The following ACSBG1 variants were observed in gnomAD, a reference collection of about 807,000 sequenced individuals.
ACSBG1 encodes acyl-CoA synthetase bubblegum family member 1, also known as long-chain-fatty-acid--CoA ligase ACSBG1.
A neutral mutation model predicts 80.2 loss-of-function variants in ACSBG1; 39 were observed. The observed-to-expected ratio is 0.49, with a 90% CI of 0.38 to 0.64. The LOEUF is 0.64. ACSBG1 is among the 30% of genes least tolerant of loss of function. ACSBG1 has a pLI of 0.00. For synonymous variants in ACSBG1, 392 were observed against 379.5 expected (o/e 1.03, Z -0.38); for missense variants, 828 against 966.4 (o/e 0.86, Z 1.90).
chr15:78,196,852 G>T (rs1179463072), intron 2 of ACSBG1, among the ~76,000 whole-genome samples: 2 of 151,886 alleles, frequency 1.3e-5, no homozygotes, highest in Non-Finnish European at 2.9e-5. Context: ...TATCACTTGA[G>T]CCCAGGAGTT....
intron 5 of ACSBG1, among the ~76,000 whole-genome samples, chr15:78,185,053 GA>G (rs879491506): frequency 0.19 from 1,564 of 8,054 alleles, 18 homozygotes; most frequent in Non-Finnish European, 0.22. Context: ...GGAGGGGAGG[GA>G]GAGAGAGAGA....
intron 5 of ACSBG1, among the ~76,000 whole-genome samples, chr15:78,185,776 T>C (rs1489981273): frequency 1.3e-5 from 2 of 151,102 alleles, no homozygotes; most frequent in African/African-American, 4.9e-5. Flanking sequence ...CAAAACACTA[T>C]GTGGAGAGGA....
intron 1 of ACSBG1, among the ~76,000 whole-genome samples, chr15:78,226,231 TA>T (rs1269245054): frequency 6.6e-6 from 1 of 151,538 alleles, no homozygotes; most frequent in Non-Finnish European, 1.5e-5. Flanking sequence ...TATATAGAAA[TA>T]AAAAAAAGAA....
intron 1 of ACSBG1, among the ~76,000 whole-genome samples, chr15:78,224,124 C>T (rs1322801456): frequency 6.6e-6 from 1 of 152,144 alleles, no homozygotes; most frequent in East Asian, 1.9e-4. Flanking sequence ...GTAATTGTTA[C>T]AGTGCAATGG....
chr15:78,211,134 T>G (rs1273082550), intron 1 of ACSBG1, among the ~76,000 whole-genome samples: 1 of 152,224 alleles, frequency 6.6e-6, no homozygotes, highest in African/African-American at 2.4e-5. Flanking sequence ...AGCTAAGGTT[T>G]GGGAAGCTGC....
chr15:78,233,083 C>T (rs1052985116), intron 1 of ACSBG1, among the ~76,000 whole-genome samples: 9 of 152,216 alleles, frequency 5.9e-5, no homozygotes, highest in African/African-American at 2.2e-4. Context: ...GACACCGGGG[C>T]CCAGAGGAGA....
At chr15:78,176,073 ATT>A (rs34270009) in intron 11 of ACSBG1, among the ~76,000 whole-genome samples, 2 of 151,664 alleles carry the variant, frequency 1.3e-5, no homozygotes, top group Non-Finnish European at 2.9e-5. Flanking sequence ...AGATTTAATA[ATT>A]TTTTTTTAAA....
chr15:78,223,637 G>A (rs957778412), intron 1 of ACSBG1, among the ~76,000 whole-genome samples: 1 of 152,220 alleles, frequency 6.6e-6, no homozygotes, highest in African/African-American at 2.4e-5. Context: ...CTGGCCAACA[G>A]CCAGTGTGGT....
chr15:78,184,248 A>G (rs77281531), intron 5 of ACSBG1, among the ~76,000 whole-genome samples: 2,662 of 152,204 alleles, frequency 0.017, 84 homozygotes, highest in African/African-American at 0.062. Context: ...ATCATGGCCC[A>G]CTGCAGCCTC....
chr15:78,231,525 ATCCACCCATTTTG>A (rs2075447326), intron 1 of ACSBG1, among the ~76,000 whole-genome samples: 2 of 152,216 alleles, frequency 1.3e-5, no homozygotes, highest in African/African-American at 2.4e-5. Flanking sequence ...GGCTTAAACA[ATCCACCCATTTTG>A]TCCTACCAAA....
At chr15:78,179,518 G>T (rs769093760) in intron 10 of ACSBG1, 32 bp downstream of exon 10, 3 of 1,583,848 alleles carry the variant, frequency 1.9e-6, no homozygotes, top group Middle Eastern at 1.7e-4. Context: ...GGGCGCATGG[G>T]TGTGCATGTG....
intron 3 of ACSBG1, among the ~76,000 whole-genome samples, 194 bp downstream of exon 3, chr15:78,194,312 G>T (rs539600423): frequency 6.6e-6 from 1 of 152,254 alleles, no homozygotes; most frequent in East Asian, 1.9e-4. Flanking sequence ...CTTGGCACAT[G>T]GTAGGGGCTC....
intron 1 of ACSBG1, among the ~76,000 whole-genome samples, chr15:78,232,792 C>T (rs1396417928): frequency 1.3e-5 from 2 of 151,920 alleles, no homozygotes; most frequent in Non-Finnish European, 2.9e-5. Context: ...TCAAGCAATT[C>T]TCCTGCCTCA....
chr15:78,176,081 TTAAA>T (rs2074880274), intron 11 of ACSBG1, among the ~76,000 whole-genome samples: 1 of 152,154 alleles, frequency 6.6e-6, no homozygotes, highest in Non-Finnish European at 1.5e-5. Flanking sequence ...TAATTTTTTT[TTAAA>T]TAAATAGAGA....
intron 13 of ACSBG1, 114 bp from the exon 14 acceptor site, chr15:78,171,643 A>C: frequency 1.2e-6 from 1 of 835,620 alleles, no homozygotes; most frequent in Non-Finnish European, 1.9e-6. Flanking sequence ...AAGCCAGATA[A>C]TCAGGACCGT....
At position 78,174,548 on chromosome 15, in the gene ACSBG1, C is replaced by A; in HGVS notation, c.1703-24G>T. 4 of 1,607,530 alleles carry A rather than the reference C, an allele frequency of 2.5e-6. No homozygotes were observed. The South Asian group carries it at 3.3e-5, about 13-fold the overall frequency. On this transcript the variant is annotated intron_variant, in intron 11 of 13. Coordinates refer to ENST00000258873, the MANE Select transcript of ACSBG1 (RefSeq NM_015162.5). The stretch of plus-strand genomic sequence containing the variant: ...TTCTGGGGAGGCAAGGCCAGGCCCC[C>A]GGCACAGAATGTAGTCCAGGTGCCC...
At chr15:78,205,767 C>T (rs2075208495) in intron 2 of ACSBG1, among the ~76,000 whole-genome samples, 1 of 152,202 alleles carries the variant, frequency 6.6e-6, no homozygotes, top group Non-Finnish European at 1.5e-5. Flanking sequence ...CCCTCCTCCC[C>T]AGCAGTCTTT....
At chr15:78,208,154 G>T in intron 1 of ACSBG1, 52 bp from the exon 2 acceptor site, 1 of 1,468,706 alleles carries the variant, frequency 6.8e-7, no homozygotes, top group Non-Finnish European at 9.4e-7. Context: ...TGGGGGACCG[G>T]CCTGGGCTTA....
At chr15:78,213,931 TCAGTGTTGCCCAGG>T (rs1159708481) in intron 1 of ACSBG1, 3 of 152,296 alleles carry the variant, frequency 2.0e-5, no homozygotes, top group African/African-American at 7.2e-5. Context: ...CTAGACTTGC[TCAGTGTTGCCCAGG>T]CAGCAAAAGA....
Sources: allele counts gnomAD v4.1 joint callset (sites outside exome capture counted in the v4.1 genomes callset), GRCh38; gene constraint gnomAD v4.1.1; transcripts MANE v1.5; gene names NCBI Gene and HGNC (gene_info 2026-07-23, HGNC 2026-07-21).